QKI: variants seen among roughly 807,000 people sequenced by gnomAD.
The protein encoded by QKI is QKI, KH domain containing RNA binding, also known as KH domain-containing RNA-binding protein QKI.
Under a neutral mutation model 39.0 loss-of-function variants are expected in QKI, and 10 were observed. That is an observed-to-expected ratio of 0.26 (90% CI 0.16 to 0.43). QKI has a LOEUF of 0.43. Among genes scored for constraint, QKI ranks in the 20% least tolerant of loss-of-function variants. The pLI, the probability that QKI is intolerant of heterozygous loss-of-function variation, is 1.00. For missense variants in QKI, 218 were observed against 428.0 expected (o/e 0.51, Z 4.33); for synonymous variants, 204 against 155.4 (o/e 1.31, Z -2.33).
rs1040839790 is a variant in QKI at position 163,561,850 on chromosome 6, A to G, written c.547-132A>G. On this transcript the variant is annotated intron_variant, in intron 4 of 7. Transcript: ENST00000361752. ...TTATGTTAGCACCTTTTGGTTCTTG[A>G]TCTTTTTTTCCCCTTATTAAAACAG... 15 of 577,614 alleles carry G rather than the reference A, an allele frequency of 2.6e-5. No individual in the cohort carries two copies. In the African/African-American group the frequency reaches 2.8e-4, roughly 11 times the overall value. 35.8% of individuals were successfully genotyped at this position (577,614 alleles called of 1,614,324 possible). A position where few individuals can be genotyped will look rare whatever the true frequency, so the allele number is the denominator to read the frequency against.
At chr6:163,421,740 T>G (rs1159050092) in intron 1 of QKI, among the ~76,000 whole-genome samples, 3 of 151,898 alleles carry the variant, frequency 2.0e-5, no homozygotes, top group Admixed American at 6.6e-5. Flanking sequence ...AGCTCTTTTA[T>G]TTCTTTTTTC....
At chr6:163,501,986 ATATTT>A (rs1212231770) in intron 3 of QKI, among the ~76,000 whole-genome samples, 1 of 152,094 alleles carries the variant, frequency 6.6e-6, no homozygotes, top group African/African-American at 2.4e-5. Flanking sequence ...CATAGACTAA[ATATTT>A]TATTTTTTGC....
At chr6:163,530,564 A>G (rs1196331121) in intron 3 of QKI, among the ~76,000 whole-genome samples, 1 of 152,204 alleles carries the variant, frequency 6.6e-6, no homozygotes, top group Non-Finnish European at 1.5e-5. Flanking sequence ...CTGCAAACTC[A>G]CTGAAGGAAT....
chr6:163,448,064 A>G (rs572388876), intron 1 of QKI, among the ~76,000 whole-genome samples: 3 of 152,166 alleles, frequency 2.0e-5, no homozygotes, highest in South Asian at 2.1e-4. Context: ...ACGTGTGTGC[A>G]ACTTACTGTT....
chr6:163,458,152 T>G (rs1458434719), intron 2 of QKI, among the ~76,000 whole-genome samples: 1 of 152,150 alleles, frequency 6.6e-6, no homozygotes, highest in East Asian at 1.9e-4. Flanking sequence ...GATTCAGACT[T>G]CTAGCTAGTT....
At chr6:163,494,651 GTTT>G (rs796487452) in intron 3 of QKI, among the ~76,000 whole-genome samples, 2 of 120,796 alleles carry the variant, frequency 1.7e-5, no homozygotes, top group African/African-American at 5.9e-5. Context: ...CACGTTTTGG[GTTT>G]TTTTTTTGTT....
At chr6:163,422,200 T>C (rs1171370506) in intron 1 of QKI, among the ~76,000 whole-genome samples, 2 of 152,232 alleles carry the variant, frequency 1.3e-5, no homozygotes, top group African/African-American at 2.4e-5. Flanking sequence ...CTTAATGTTT[T>C]CGTCTTCAGT....
intron 6 of QKI, chr6:163,564,352 G>A (rs1783220800): frequency 4.4e-6 from 5 of 1,134,996 alleles, no homozygotes; most frequent in South Asian, 2.2e-5. Context: ...AGGCTGTGTG[G>A]TATAGCCATT....
In QKI at chr6:163,415,090, G is replaced by C; in HGVS notation, c.-104G>C. On this transcript the variant is annotated 5_prime_UTR_variant, in exon 1 of 8. Coordinates refer to ENST00000361752, the MANE Select transcript of QKI (RefSeq NM_006775.3). ...AGCGGGAGCCGGCGCGGAGCGGGAC[G>C]CCGGGTCCCGAGCGGCCCGCGGCCG... is the stretch of plus-strand genomic sequence containing the variant. 1.0e-6 allele frequency: 1 copy of C among 997,672 alleles called. No homozygotes were observed. Among genetic ancestry groups the C allele is most frequent in the Non-Finnish European group, 1.2e-6 (1 of 834,552 alleles). 61.8% of individuals were successfully genotyped at this position (997,672 alleles called of 1,614,324 possible). A position where few individuals can be genotyped will look rare whatever the true frequency, so the allele number is the denominator to read the frequency against.
chr6:163,561,070 A>G (rs560267717), intron 4 of QKI, among the ~76,000 whole-genome samples: 2 of 152,336 alleles, frequency 1.3e-5, no homozygotes, highest in Admixed American at 1.3e-4. Context: ...TAGCATTGAT[A>G]GCACTTGCTA....
intron 7 of QKI, chr6:163,568,518 G>A (rs1392838134): frequency 2.1e-5 from 21 of 984,214 alleles, no homozygotes; most frequent in Non-Finnish European, 2.2e-5. Flanking sequence ...TTTAGTAACA[G>A]AGTACTCGTA....
intron 5 of QKI, among the ~76,000 whole-genome samples, 200 bp downstream of exon 5, chr6:163,562,269 C>T (rs1170742131): frequency 6.6e-6 from 1 of 152,180 alleles, no homozygotes; most frequent in Non-Finnish European, 1.5e-5. Flanking sequence ...TTTATGTCAG[C>T]ATGTTGAAGT....
chr6:163,564,907 G>T, intron 6 of QKI: 2 of 1,360,454 alleles, frequency 1.5e-6, no homozygotes, highest in Admixed American at 3.2e-5. Context: ...TTTTTCCCCA[G>T]CATTAATATT....
intron 4 of QKI, among the ~76,000 whole-genome samples, chr6:163,554,169 AG>A (rs1782439166): frequency 6.6e-6 from 1 of 152,144 alleles, no homozygotes; most frequent in East Asian, 1.9e-4. Context: ...CATGGAGGGA[AG>A]GGGCTGCACG....
In QKI at chr6:163,505,608, C is replaced by T. The variant is rs551748659; in HGVS notation, c.402+26712C>T. 1.6e-4 allele frequency among the ~76,000 whole-genome samples: 25 copies of T among 152,218 alleles called. No homozygotes were observed. The South Asian group carries it at 4.8e-3, about 29-fold the overall frequency. On this transcript the variant is annotated intron_variant, in intron 3 of 7. Transcript: ENST00000361752. ...TTTGGACTTGCATAGGGCTTGTGGC[C>T]CCTTTGTTTTGGCCAATTTCTCCCA...
At chr6:163,556,799 T>C (rs1268884536) in intron 4 of QKI, among the ~76,000 whole-genome samples, 5 of 152,160 alleles carry the variant, frequency 3.3e-5, no homozygotes, top group Non-Finnish European at 5.9e-5. Context: ...ACTCTGAAAT[T>C]CTCAAGGCAC....
Position 163,575,234 on chromosome 6 carries a change from A to G in QKI, c.*4524A>G, listed in dbSNP as rs190789248. ...TCATGGTACCATGTAACTTAAATTG[A>G]TGAATTTCTATGCAATTTACTATTC... is the stretch of plus-strand genomic sequence containing the variant. On this transcript the variant is annotated 3_prime_UTR_variant, in exon 8 of 8. Transcript: ENST00000361752. 3.3e-5 allele frequency: 5 copies of G among 152,334 alleles called. No homozygotes were observed. The highest frequency in any genetic ancestry group is 9.6e-5 in the African/African-American group (4 of 41,582). 9.4% of individuals were successfully genotyped at this position (152,334 alleles called of 1,614,324 possible).
chr6:163,449,295 A>G, intron 1 of QKI, among the ~76,000 whole-genome samples: 1 of 152,216 alleles, frequency 6.6e-6, no homozygotes, highest in Non-Finnish European at 1.5e-5. Context: ...CTGACAACTA[A>G]GATTTTCCAT....
chr6:163,514,116 T>C (rs1779650413), intron 3 of QKI, among the ~76,000 whole-genome samples: 1 of 152,110 alleles, frequency 6.6e-6, no homozygotes, highest in Admixed American at 6.6e-5. Context: ...AGTGGGAACA[T>C]TGAGGGCTGC....
Sources: gnomAD v4.1 joint callset for allele counts (sites outside exome capture counted in the v4.1 genomes callset) on GRCh38, gnomAD v4.1.1 for gene constraint, MANE v1.5 for transcripts, NCBI Gene and HGNC (gene_info 2026-07-23, HGNC 2026-07-21) for gene names.